FAM53B: variants seen among roughly 807,000 people sequenced by gnomAD.
The protein encoded by FAM53B is protein FAM53B.
A neutral mutation model predicts 32.7 loss-of-function variants in FAM53B; 12 were observed. That is an observed-to-expected ratio of 0.37 (90% confidence interval 0.24 to 0.59). The LOEUF is 0.59. Ranked by LOEUF, FAM53B falls within the 20% of genes least tolerant of loss-of-function variation. FAM53B has a pLI of 0.72. For synonymous variants in FAM53B, 234 were observed against 228.7 expected (o/e 1.02, Z -0.21); for missense variants, 477 against 577.7 (o/e 0.83, Z 1.79).
At chr10:124,634,380 T>C (rs1949412602) in intron 4 of FAM53B, among the ~76,000 whole-genome samples, 1 of 152,232 alleles carries the variant, frequency 6.6e-6, no homozygotes, top group Non-Finnish European at 1.5e-5. Context: ...TTTGGCTGTG[T>C]CCCCACCCAA....
intron 1 of FAM53B, among the ~76,000 whole-genome samples, chr10:124,710,666 T>C (rs142132923): frequency 0.014 from 2,199 of 152,348 alleles, 24 homozygotes; most frequent in South Asian, 0.068. Flanking sequence ...AGGCCACCTC[T>C]GGGGCACACA....
At chr10:124,703,174 A>G (rs1226434932) in intron 2 of FAM53B, among the ~76,000 whole-genome samples, 1 of 152,064 alleles carries the variant, frequency 6.6e-6, no homozygotes, top group Non-Finnish European at 1.5e-5. Context: ...CCTCCCAAGT[A>G]GCTGGGACTA....
intron 4 of FAM53B, among the ~76,000 whole-genome samples, chr10:124,661,947 G>T (rs1023140621): frequency 6.6e-6 from 1 of 152,196 alleles, no homozygotes. Context: ...TCTGGGCTCC[G>T]ATCGGTGAGC....
intron 1 of FAM53B, among the ~76,000 whole-genome samples, chr10:124,707,114 G>A (rs1375679886): frequency 6.6e-6 from 1 of 152,102 alleles, no homozygotes; most frequent in African/African-American, 2.4e-5. Context: ...ATGGCCTGGT[G>A]GATAGAACAA....
At chr10:124,641,453 A>T (rs1304919532) in intron 4 of FAM53B, among the ~76,000 whole-genome samples, 1 of 152,206 alleles carries the variant, frequency 6.6e-6, no homozygotes, top group Non-Finnish European at 1.5e-5. Context: ...TCCTGGCACC[A>T]ACATCTGGTG....
intron 4 of FAM53B, among the ~76,000 whole-genome samples, chr10:124,656,249 G>T (rs535908731): frequency 4.6e-5 from 7 of 152,388 alleles, no homozygotes; most frequent in Non-Finnish European, 8.8e-5. Context: ...ACTTACAGCA[G>T]GCACTCCCAC....
intron 3 of FAM53B, among the ~76,000 whole-genome samples, chr10:124,693,447 C>T (rs1169543155): frequency 2.0e-5 from 3 of 147,574 alleles, no homozygotes; most frequent in South Asian, 2.1e-4. Context: ...TCCAGCCTGG[C>T]GACAGTGAGA....
chr10:124,725,141 C>T (rs1158250722), intron 1 of FAM53B, among the ~76,000 whole-genome samples: 3 of 152,238 alleles, frequency 2.0e-5, no homozygotes, highest in Non-Finnish European at 4.4e-5. Context: ...CCAGTGACTA[C>T]ATCTGGAGCT....
intron 4 of FAM53B, among the ~76,000 whole-genome samples, chr10:124,661,796 G>C (rs575363049): frequency 1.3e-4 from 20 of 152,346 alleles, no homozygotes; most frequent in African/African-American, 4.8e-4. Context: ...TTTCAGTAAT[G>C]ATCCAATCTT....
Position 124,623,367 on chromosome 10 carries a change from C to T in FAM53B, c.1144G>A (p.Ala382Thr), listed in dbSNP as rs767213564. ...DLSCEESDSC[A>T]LDEDCGRRAE... is the part of the protein sequence containing the mutation. ...CTCCTGCCACAATCCTCGTCCAGGG[C>T]GCAGCTGTCTGACTCCTCACAGGAC... is the stretch of plus-strand genomic sequence containing the variant. The change falls in exon 5 of 5, where the codon GCC (alanine) becomes ACC (threonine). Residue 382 changes from alanine to threonine, a missense_variant. Physicochemically the swap from Ala to Thr is moderately conservative, Grantham distance 58. Transcript: ENST00000337318. The T allele has an allele frequency of 1.6e-5, 25 of 1,612,508 alleles. No individual in the cohort carries two copies. Among genetic ancestry groups the T allele is most frequent in the Non-Finnish European group, 1.9e-5 (22 of 1,179,822 alleles).
intron 1 of FAM53B, among the ~76,000 whole-genome samples, chr10:124,739,350 A>C (rs1449088883): frequency 6.6e-6 from 1 of 152,230 alleles, no homozygotes; most frequent in Non-Finnish European, 1.5e-5. Context: ...TGAGAATTAG[A>C]GAGTGTATAC....
At chr10:124,705,082 G>C (rs1002899360) in intron 2 of FAM53B, among the ~76,000 whole-genome samples, 2 of 152,232 alleles carry the variant, frequency 1.3e-5, no homozygotes, top group African/African-American at 4.8e-5. Context: ...TAGTGCTGGG[G>C]ACATGGGGAG....
At chr10:124,667,305 A>G in intron 4 of FAM53B, 1 of 673,654 alleles carries the variant, frequency 1.5e-6, no homozygotes. Flanking sequence ...ATAACTGGCT[A>G]CTAGGAATTT....
At chr10:124,692,344 G>A (rs886118438) in intron 3 of FAM53B, among the ~76,000 whole-genome samples, 1 of 152,206 alleles carries the variant, frequency 6.6e-6, no homozygotes, top group African/African-American at 2.4e-5. Flanking sequence ...TAGGGGACAA[G>A]AGTGGGGAGG....
intron 3 of FAM53B, among the ~76,000 whole-genome samples, chr10:124,689,713 C>A (rs1949822520): frequency 6.6e-6 from 1 of 152,240 alleles, no homozygotes; most frequent in Non-Finnish European, 1.5e-5. Flanking sequence ...CCCTTACCAG[C>A]AGAGTTGGGG....
chr10:124,641,537 C>T (rs1355921324), intron 4 of FAM53B, among the ~76,000 whole-genome samples: 2 of 152,252 alleles, frequency 1.3e-5, no homozygotes, highest in Admixed American at 6.5e-5. Flanking sequence ...CAAAAAGGAA[C>T]TGCCAGACAA....
chr10:124,663,604 ACT>A (rs1949647374), intron 4 of FAM53B, among the ~76,000 whole-genome samples: 1 of 151,820 alleles, frequency 6.6e-6, no homozygotes, highest in Non-Finnish European at 1.5e-5. Context: ...TAAAACACAG[ACT>A]CTGATCCGGC....
chr10:124,634,710 C>T (rs11245321), intron 4 of FAM53B, among the ~76,000 whole-genome samples: 52,023 of 152,026 alleles, frequency 0.34, 9,092 homozygotes, highest in Middle Eastern at 0.4. Context: ...AACGTGAGGA[C>T]GCACTAATAC....
At chr10:124,657,422 G>C (rs962396047) in intron 4 of FAM53B, among the ~76,000 whole-genome samples, 1 of 152,100 alleles carries the variant, frequency 6.6e-6, no homozygotes, top group African/African-American at 2.4e-5. Context: ...CCTGGGGCTA[G>C]AAAGGGTGTC....
Sources: gnomAD v4.1 joint callset for allele counts (sites outside exome capture counted in the v4.1 genomes callset) on GRCh38, gnomAD v4.1.1 for gene constraint, MANE v1.5 for transcripts, NCBI Gene and HGNC (gene_info 2026-07-23, HGNC 2026-07-21) for gene names.